The following LMBR1L variants were observed in gnomAD, a reference collection of about 807,000 sequenced individuals.
LMBR1L encodes the protein limb development membrane protein 1 like.
Under a neutral mutation model 67.3 loss-of-function variants are expected in LMBR1L, and 47 were observed. The ratio of observed to expected loss-of-function variants is 0.70; its 90% CI spans 0.55 to 0.89. LMBR1L has a LOEUF of 0.89. Ranked by LOEUF, LMBR1L falls within the 40% of genes least tolerant of loss-of-function variation. The probability of loss-of-function intolerance (pLI) is 0.00; values close to 1 mark genes in which losing one functional copy is unlikely to be tolerated. For synonymous variants in LMBR1L, 247 were observed against 250.3 expected (o/e 0.99, Z 0.13); for missense variants, 533 against 599.2 (o/e 0.89, Z 1.15).
chr12:49,101,031 T>C (rs1025329734), intron 13 of LMBR1L: 3 of 1,092,944 alleles, frequency 2.7e-6, no homozygotes, highest in African/African-American at 3.2e-5. Flanking sequence ...ACCTGGCCTC[T>C]TTTTATTTTC....
At chr12:49,108,441 A>G (rs1056616901) in intron 1 of LMBR1L, among the ~76,000 whole-genome samples, 2 of 151,814 alleles carry the variant, frequency 1.3e-5, no homozygotes, top group African/African-American at 4.8e-5. Flanking sequence ...ATGCACCTGT[A>G]GTCTCAGCTA....
At chr12:49,101,653 T>C (rs1478067258) in intron 11 of LMBR1L, 104 bp from the exon 12 acceptor site, 4 of 788,682 alleles carry the variant, frequency 5.1e-6, no homozygotes, top group Non-Finnish European at 6.3e-6. Flanking sequence ...TTTCCAAGAC[T>C]AGCTCTGCTT....
rs1939519839 is a variant in LMBR1L, at chr12:49,097,332, T to TA, written c.*339dup. 2 of 275,584 alleles carry TA rather than the reference T, an allele frequency of 7.3e-6. No homozygotes were observed. Among genetic ancestry groups the TA allele is most frequent in the Middle Eastern group, 2.5e-3 (2 of 814 alleles). The allele number at this position is 275,584 out of a possible 1,614,324, so 17.1% of individuals were successfully genotyped here. On this transcript the variant is annotated 3_prime_UTR_variant, in exon 17 of 17. Transcript: ENST00000267102. ...CCTGGCCCAGTCCTTTCCCTGCCCCTACCCCACCCTATTGCACATCAAATC... is the reference window on the plus strand; with the variant it reads ...CCTGGCCCAGTCCTTTCCCTGCCCCTAACCCCACCCTATTGCACATCAAATC...
chr12:49,101,135 T>A, intron 13 of LMBR1L, 115 bp downstream of exon 13: 1 of 1,596,730 alleles, frequency 6.3e-7, no homozygotes, highest in Non-Finnish European at 8.5e-7. Flanking sequence ...TTGCCCCACT[T>A]CCCATCAGCG....
chr12:49,109,942 T>A, intron 1 of LMBR1L: 2 of 425,770 alleles, frequency 4.7e-6, no homozygotes, highest in South Asian at 3.3e-5. Context: ...TACTTGGTTG[T>A]TCCTCATCTC....
At chr12:49,105,246 A>T in intron 3 of LMBR1L, 1 of 263,488 alleles carries the variant, frequency 3.8e-6, no homozygotes, top group Non-Finnish European at 7.4e-6. Context: ...TTGGTCAGGG[A>T]TATGGATTTC....
Position 49,104,481 on chromosome 12 carries a change from G to A in LMBR1L, c.402C>T (p.Phe134=), listed in dbSNP as rs754296951. The A allele has an allele frequency of 1.9e-6, 3 of 1,613,956 alleles. No homozygotes were observed. The highest frequency in any genetic ancestry group is 2.5e-6 in the Non-Finnish European group (3 of 1,179,834). The part of the protein sequence containing the change: ...LIFLMPFAYF[F]TESEGFAGSR... ...AGCCAGCAAAGCCCTCAGACTCAGT[G>A]AAGAAATATGCAAAGGGCATGAGGA... Residue 134 remains phenylalanine, a synonymous_variant, in exon 5 of 17, where the codon TTC becomes TTT. Coordinates refer to ENST00000267102, the MANE Select transcript of LMBR1L (RefSeq NM_018113.4).
At chr12:49,101,918 C>T in intron 11 of LMBR1L, 1 of 597,742 alleles carries the variant, frequency 1.7e-6, no homozygotes, top group African/African-American at 1.9e-5. Flanking sequence ...GCAAGTCACT[C>T]AACTCTGTCT....
chr12:49,104,750 G>A lies in LMBR1L; in HGVS notation c.327C>T (p.Ile109=). 6.2e-7 allele frequency: 1 copy of A among 1,613,424 alleles called. No individual in the cohort carries two copies. Among genetic ancestry groups the A allele is most frequent in the Non-Finnish European group, 8.5e-7 (1 of 1,179,700 alleles). ...YYIQWLNGSL[I]HGLWNLVFLF... ...CAGCTTCCAGGAGCCACACACCATG[G>A]ATGAGGGAGCCGTTGAGCCACTGGA... The change falls in exon 4 of 17, where the codon ATC becomes ATT. Residue 109 remains isoleucine (I), a synonymous_variant. Transcript: ENST00000267102.
chr12:49,104,288 G>A (rs1940599187), intron 5 of LMBR1L, 160 bp downstream of exon 5: 1 of 657,042 alleles, frequency 1.5e-6, no homozygotes, highest in Admixed American at 2.6e-5. Flanking sequence ...TCCTCCCTTT[G>A]TCCCTACAGG....
At chr12:49,097,798 A>G in intron 16 of LMBR1L, 59 bp from the exon 17 acceptor site, 2 of 1,608,270 alleles carry the variant, frequency 1.2e-6, no homozygotes, top group Non-Finnish European at 1.7e-6. Flanking sequence ...GTTAGGGACC[A>G]GGCAGCCAAG....
intron 5 of LMBR1L, 117 bp downstream of exon 5, chr12:49,104,331 A>G (rs535323235): frequency 3.2e-4 from 246 of 780,074 alleles, no homozygotes; most frequent in Non-Finnish European, 5.1e-4. Flanking sequence ...TACTGTCACT[A>G]GAGCCTCAAA....
intron 8 of LMBR1L, 34 bp downstream of exon 8, chr12:49,102,853 C>G: frequency 6.3e-7 from 1 of 1,599,734 alleles, no homozygotes; most frequent in Non-Finnish European, 8.6e-7. Flanking sequence ...GGAAGCTCAC[C>G]CTGCAGGATC....
intron 2 of LMBR1L, chr12:49,106,613 G>A (rs1187807196): frequency 3.7e-6 from 5 of 1,333,958 alleles, no homozygotes. Flanking sequence ...AGATGACACA[G>A]AGCCTGTGCC....
At chr12:49,101,933 G>A (rs190960156) in intron 11 of LMBR1L, 187 bp downstream of exon 11, 5 of 601,814 alleles carry the variant, frequency 8.3e-6, no homozygotes, top group East Asian at 5.6e-5. Context: ...CTGTCTCTTC[G>A]TCTACAAAAT....
In LMBR1L at chr12:49,102,850, C is replaced by T. The variant is rs765930664; in HGVS notation, c.696+37G>A. The stretch of plus-strand genomic sequence containing the variant: ...TTTGGTTCCAGCTCTGCAGGAAGCT[C>T]ACCCTGCAGGATCAAAGAGCAAGGA... On this transcript the variant is annotated intron_variant, in intron 8 of 16. Transcript: ENST00000267102. 3 of 1,593,288 alleles carry T rather than the reference C, an allele frequency of 1.9e-6. No homozygotes were observed. The African/African-American group carries it at 4.0e-5, about 21-fold the overall frequency.
chr12:49,107,087 A>C, intron 1 of LMBR1L, 42 bp from the exon 2 acceptor site: 5 of 1,355,114 alleles, frequency 3.7e-6, no homozygotes, highest in Non-Finnish European at 5.3e-6. Context: ...TCTAACCTTC[A>C]GCACACTCCA....
Position 49,101,221 on chromosome 12 carries a change from G to A in LMBR1L, c.1082+29C>T, listed in dbSNP as rs187278363. ...TCCCAGGAGACAGGTTTGCTGAACA[G>A]AGGCAATGATGGGTTTCCAGAAGGA... is the stretch of plus-strand genomic sequence containing the variant. On this transcript the variant is annotated intron_variant, in intron 13 of 16. Transcript: ENST00000267102. 1.1e-5 allele frequency: 18 copies of A among 1,614,174 alleles called. No homozygotes were observed. In the African/African-American group the frequency reaches 2.3e-4, roughly 20 times the overall value.
At chr12:49,104,999 C>A (rs1940719251) in intron 3 of LMBR1L, 114 bp from the exon 4 acceptor site, 3 of 1,189,852 alleles carry the variant, frequency 2.5e-6, no homozygotes, top group Non-Finnish European at 3.5e-6. Context: ...CTGTAGCAAT[C>A]ACAGAGCTAA....
Sources: gnomAD v4.1 joint callset for allele counts (sites outside exome capture counted in the v4.1 genomes callset) on GRCh38, gnomAD v4.1.1 for gene constraint, MANE v1.5 for transcripts, NCBI Gene and HGNC (gene_info 2026-07-23, HGNC 2026-07-21) for gene names.